The following KCNMA1 variants were observed in gnomAD, a reference collection of about 807,000 sequenced individuals.
KCNMA1 encodes potassium calcium-activated channel subfamily M alpha 1, also known as Calcium-activated potassium channel subunit alpha-1.
Under a neutral mutation model 140.0 loss-of-function variants are expected in KCNMA1, and 29 were observed. The ratio of observed to expected loss-of-function variants is 0.21; its 90% CI spans 0.15 to 0.28. The LOEUF is 0.28. Ranked by LOEUF, KCNMA1 falls within the 10% of genes least tolerant of loss-of-function variation. The pLI is 1.00. For missense variants in KCNMA1, 880 were observed against 1,602.2 expected (o/e 0.55, Z 7.70); for synonymous variants, 612 against 611.9 (o/e 1.00, Z 0.00).
chr10:76,936,244 C>T (rs1321433546), intron 23 of KCNMA1, among the ~76,000 whole-genome samples: 1 of 152,072 alleles, frequency 6.6e-6, no homozygotes, highest in Non-Finnish European at 1.5e-5. Flanking sequence ...TGCTCAGAGC[C>T]CTAAGCCAGA....
At chr10:77,388,308 T>C (rs903090034) in intron 2 of KCNMA1, among the ~76,000 whole-genome samples, 8 of 152,204 alleles carry the variant, frequency 5.3e-5, no homozygotes, top group South Asian at 2.1e-4. Context: ...TTACTTTACG[T>C]TCCCCCATTC....
intron 3 of KCNMA1, among the ~76,000 whole-genome samples, chr10:77,199,684 A>G (rs1450795613): frequency 6.6e-6 from 1 of 152,178 alleles, no homozygotes; most frequent in Non-Finnish European, 1.5e-5. Flanking sequence ...GTAGGCCTTG[A>G]GTGAGGATTA....
chr10:76,914,909 C>A (rs772178414), intron 24 of KCNMA1, 27 bp downstream of exon 24: 1 of 1,491,732 alleles, frequency 6.7e-7, no homozygotes, highest in Non-Finnish European at 9.4e-7. Context: ...AACAAAAACT[C>A]CCCCCAAAGC....
At chr10:77,399,323 C>T (rs1484715095) in intron 2 of KCNMA1, among the ~76,000 whole-genome samples, 3 of 152,130 alleles carry the variant, frequency 2.0e-5, no homozygotes, top group Non-Finnish European at 4.4e-5. Context: ...AATTTCCCTC[C>T]GCATGAGCCG....
chr10:77,577,284 G>T (rs1352818613), intron 1 of KCNMA1, among the ~76,000 whole-genome samples: 1 of 151,870 alleles, frequency 6.6e-6, no homozygotes, highest in East Asian at 1.9e-4. Flanking sequence ...TCCTGACCTT[G>T]TGATCCACTC....
intron 2 of KCNMA1, among the ~76,000 whole-genome samples, chr10:77,318,304 G>A (rs1433484702): frequency 6.6e-6 from 1 of 152,200 alleles, no homozygotes; most frequent in Non-Finnish European, 1.5e-5. Context: ...CCAATTTACA[G>A]AGTTGAAAAT....
chr10:77,177,553 G>T (rs931823783), intron 5 of KCNMA1, among the ~76,000 whole-genome samples: 1 of 149,990 alleles, frequency 6.7e-6, no homozygotes, highest in Non-Finnish European at 1.5e-5. Flanking sequence ...TGCCCAGGTT[G>T]GTCTCAAACA....
At chr10:77,226,498 G>A (rs1217570258) in intron 3 of KCNMA1, among the ~76,000 whole-genome samples, 4 of 151,782 alleles carry the variant, frequency 2.6e-5, no homozygotes, top group African/African-American at 9.7e-5. Flanking sequence ...CACCCCTCAA[G>A]CATGAGACAG....
intron 2 of KCNMA1, among the ~76,000 whole-genome samples, chr10:77,390,520 T>C (rs1450862044): frequency 6.6e-6 from 1 of 152,288 alleles, no homozygotes; most frequent in East Asian, 1.9e-4. Context: ...TGGGAGCCCA[T>C]GCAGGTGCCT....
chr10:77,478,614 T>TA (rs896987118), intron 1 of KCNMA1, among the ~76,000 whole-genome samples: 1 of 152,196 alleles, frequency 6.6e-6, no homozygotes, highest in African/African-American at 2.4e-5. Context: ...ATACTTACTA[T>TA]AAAAAAGAGT....
intron 20 of KCNMA1, 142 bp downstream of exon 20, chr10:76,969,832 G>T: frequency 1.5e-6 from 1 of 686,068 alleles, no homozygotes; most frequent in South Asian, 1.6e-5. Flanking sequence ...CCTTTAAGAA[G>T]CCATCTAACG....
intron 1 of KCNMA1, chr10:77,636,378 C>A (rs560224467): frequency 6.5e-7 from 1 of 1,534,824 alleles, no homozygotes; most frequent in Non-Finnish European, 8.7e-7. Flanking sequence ...GCGTCTGCAC[C>A]AGGAATAGCT....
At chr10:77,631,105 CCAAAAA>C (rs565263572) in intron 1 of KCNMA1, among the ~76,000 whole-genome samples, 3,286 of 90,214 alleles carry the variant, frequency 0.036, 105 homozygotes, top group Middle Eastern at 0.083. Context: ...AGACCCTGTC[CCAAAAA>C]AAAAAAAAAA....
intron 2 of KCNMA1, among the ~76,000 whole-genome samples, chr10:77,335,888 C>T (rs1306999011): frequency 2.0e-5 from 3 of 152,170 alleles, no homozygotes; most frequent in Admixed American, 6.5e-5. Flanking sequence ...CTCCTCACTT[C>T]ATATCACCCC....
At chr10:76,979,926 A>G (rs2078909803) in intron 19 of KCNMA1, 1 of 152,248 alleles carries the variant, frequency 6.6e-6, no homozygotes, top group Non-Finnish European at 1.5e-5. Flanking sequence ...GGTAAGGACC[A>G]GTGTGGATTA....
chr10:77,004,052 C>G (rs2087486372), intron 18 of KCNMA1, among the ~76,000 whole-genome samples: 1 of 152,098 alleles, frequency 6.6e-6, no homozygotes, highest in South Asian at 2.1e-4. Flanking sequence ...CAGCAAAAAA[C>G]CATGTGCTAT....
At chr10:77,274,746 C>A (rs904229342) in intron 2 of KCNMA1, among the ~76,000 whole-genome samples, 3 of 152,190 alleles carry the variant, frequency 2.0e-5, no homozygotes, top group Non-Finnish European at 4.4e-5. Context: ...TTACAGCCTT[C>A]TGGAGAATGT....
chr10:76,974,842 G>C (rs1405755540), intron 19 of KCNMA1, among the ~76,000 whole-genome samples: 1 of 152,028 alleles, frequency 6.6e-6, no homozygotes, highest in Non-Finnish European at 1.5e-5. Context: ...AAAATATACT[G>C]AGTTCCCCGT....
intron 1 of KCNMA1, among the ~76,000 whole-genome samples, chr10:77,483,446 G>A (rs537439973): frequency 2.0e-5 from 3 of 152,326 alleles, no homozygotes; most frequent in African/African-American, 7.2e-5. Flanking sequence ...ATCGGGGCAG[G>A]TGACGAGGAG....
Sources: allele counts gnomAD v4.1 joint callset (sites outside exome capture counted in the v4.1 genomes callset), GRCh38; gene constraint gnomAD v4.1.1; transcripts MANE v1.5; gene names NCBI Gene and HGNC (gene_info 2026-07-23, HGNC 2026-07-21).